IL1RAPL2: variants seen among roughly 807,000 people sequenced by gnomAD.
IL1RAPL2 encodes interleukin 1 receptor accessory protein like 2.
IL1RAPL2 carries 3 observed loss-of-function variants against 44.1 expected under a neutral mutation model. That is an observed-to-expected ratio of 0.07 (90% confidence interval 0.03 to 0.18). IL1RAPL2 has a LOEUF of 0.18. IL1RAPL2 is among the 10% of genes least tolerant of loss of function. IL1RAPL2 has a pLI of 1.00. For missense variants in IL1RAPL2, 391 were observed against 496.4 expected (o/e 0.79, Z 2.02); for synonymous variants, 181 against 178.8 (o/e 1.01, Z -0.10).
Position 105,565,795 on chromosome X carries a change from G to A in IL1RAPL2, c.772+81408G>A, listed in dbSNP as rs150931480. Among the ~76,000 whole-genome samples, 615 of 112,070 alleles carry A rather than the reference G, an allele frequency of 5.5e-3. 8 individuals carry two copies. Among genetic ancestry groups the A allele is most frequent in the African/African-American group, 0.019 (578 of 30,835 alleles). On this transcript the variant is annotated intron_variant, in intron 6 of 10. Coordinates refer to ENST00000372582, the MANE Select transcript of IL1RAPL2 (RefSeq NM_017416.2). ...GATTCTGTTGTTTTGTATTGAATTGGTGCCAGATTCTCTTTCCAAGACACC... is the reference window on the plus strand; with the variant it reads ...GATTCTGTTGTTTTGTATTGAATTGATGCCAGATTCTCTTTCCAAGACACC...
At chrX:104,890,785 A>G (rs1373397686) in intron 2 of IL1RAPL2, among the ~76,000 whole-genome samples, 1 of 111,937 alleles carries the variant, frequency 8.9e-6, no homozygotes, top group Non-Finnish European at 1.9e-5. Context: ...TTTGCCGTGC[A>G]GAAGCTCTTT....
chrX:105,034,477 G>A (rs2031581964), intron 2 of IL1RAPL2, among the ~76,000 whole-genome samples: 1 of 112,441 alleles, frequency 8.9e-6, no homozygotes, highest in African/African-American at 3.2e-5. Flanking sequence ...GTTGGAGTTT[G>A]CTAGAGGTCC....
At chrX:104,973,269 A>T (rs963875852) in intron 2 of IL1RAPL2, among the ~76,000 whole-genome samples, 6 of 112,176 alleles carry the variant, frequency 5.3e-5, no homozygotes, top group Non-Finnish European at 1.1e-4. Flanking sequence ...CAAGGGACTT[A>T]CAGTCAAAAG....
intron 3 of IL1RAPL2, chrX:105,220,350 G>A: frequency 1.7e-6 from 2 of 1,203,996 alleles, no homozygotes; most frequent in South Asian, 1.8e-5. Context: ...AGGCCACCAC[G>A]TTGCTATGCC....
chrX:105,584,420 G>A (rs757167240), intron 6 of IL1RAPL2, among the ~76,000 whole-genome samples: 1 of 111,235 alleles, frequency 9.0e-6, no homozygotes, highest in African/African-American at 3.3e-5. Context: ...TATTATCATT[G>A]CAGCTTTTTC....
At chrX:105,600,704 TAATG>T (rs1329242558) in intron 6 of IL1RAPL2, among the ~76,000 whole-genome samples, 1 of 109,917 alleles carries the variant, frequency 9.1e-6, no homozygotes, top group African/African-American at 3.3e-5. Context: ...ATTTAATTGA[TAATG>T]AATAATATTT....
chrX:105,480,861 A>G (rs1052283782), intron 5 of IL1RAPL2, among the ~76,000 whole-genome samples: 10 of 112,363 alleles, frequency 8.9e-5, no homozygotes, highest in Non-Finnish European at 1.1e-4. Flanking sequence ...TCAGGATCCA[A>G]TTGAACTGCT....
At position 104,573,670 on chromosome X, in the gene IL1RAPL2, T is replaced by C. The variant is rs756420144; in HGVS notation, c.-20+6619T>C. Among the ~76,000 whole-genome samples, 5 of 112,164 alleles carry C rather than the reference T, an allele frequency of 4.5e-5. No individual in the cohort carries two copies. The Admixed American group carries it at 4.7e-4, about 11-fold the overall frequency. On this transcript the variant is annotated intron_variant, in intron 1 of 10. Coordinates refer to ENST00000372582, the MANE Select transcript of IL1RAPL2 (RefSeq NM_017416.2). The stretch of plus-strand genomic sequence containing the variant: ...CCAGAATAAATTCCAGATAAAACTC[T>C]GAAGAAGAAAAAATTATAAAGAACT...
intron 2 of IL1RAPL2, among the ~76,000 whole-genome samples, chrX:104,943,045 A>C (rs1323158533): frequency 2.7e-5 from 3 of 111,394 alleles, no homozygotes; most frequent in Admixed American, 9.6e-5. Context: ...GGATGAAGCC[A>C]ACTTGTTCGT....
intron 5 of IL1RAPL2, among the ~76,000 whole-genome samples, chrX:105,346,435 C>A (rs1342449327): frequency 8.9e-6 from 1 of 112,293 alleles, no homozygotes; most frequent in East Asian, 2.8e-4. Flanking sequence ...ACTAGTATAA[C>A]TCATGAGGAA....
At chrX:105,737,719 A>G (rs1380351124) in intron 7 of IL1RAPL2, among the ~76,000 whole-genome samples, 1 of 111,350 alleles carries the variant, frequency 9.0e-6, no homozygotes, top group Non-Finnish European at 1.9e-5. Flanking sequence ...AGCTTCTGGA[A>G]CTACAGGGGG....
At chrX:105,228,482 A>G (rs2034038316) in intron 3 of IL1RAPL2, among the ~76,000 whole-genome samples, 1 of 112,097 alleles carries the variant, frequency 8.9e-6, no homozygotes, top group Non-Finnish European at 1.9e-5. Context: ...TGTGTATTTT[A>G]AATTATGAGT....
chrX:104,994,993 C>T (rs183861020), intron 2 of IL1RAPL2, among the ~76,000 whole-genome samples: 7 of 110,681 alleles, frequency 6.3e-5, no homozygotes, highest in Admixed American at 1.9e-4. Context: ...GCTCCAAATA[C>T]GCTACTGCCA....
Position 104,929,166 on chromosome X carries a change from T to G in IL1RAPL2, c.83-266309T>G, listed in dbSNP as rs189407642. Among the ~76,000 whole-genome samples, 4 of 111,787 alleles carry G rather than the reference T, an allele frequency of 3.6e-5. No homozygotes were observed. In the East Asian group the frequency reaches 1.1e-3, roughly 32 times the overall value. ...ATTAGGGGTTTTGTGCTCTTACAAA[T>G]GGACTTAGCAAATGTGGCACTGACA... On this transcript the variant is annotated intron_variant, in intron 2 of 10. Transcript: ENST00000372582.
chrX:105,302,216 GT>G (rs764034886), intron 5 of IL1RAPL2, among the ~76,000 whole-genome samples: 43 of 111,608 alleles, frequency 3.9e-4, no homozygotes, highest in African/African-American at 1.4e-3. Flanking sequence ...AGATTATTAG[GT>G]TTTTTTCTAT....
At chrX:105,604,146 A>G (rs947136924) in intron 6 of IL1RAPL2, among the ~76,000 whole-genome samples, 2 of 111,458 alleles carry the variant, frequency 1.8e-5, no homozygotes, top group African/African-American at 3.2e-5. Context: ...AGTAGAAGAA[A>G]ATAAATAATA....
At position 105,526,828 on chromosome X, in the gene IL1RAPL2, G is replaced by A. The variant is rs757011962; in HGVS notation, c.772+42441G>A. ...ACACTAAGTTGTCTTTGTATTGTCT[G>A]GTTCTTTTTCTGGTTTAGTGCTTTC... On this transcript the variant is annotated intron_variant, in intron 6 of 10. Transcript: ENST00000372582. Among the ~76,000 whole-genome samples, 4 of 111,277 alleles carry A rather than the reference G, an allele frequency of 3.6e-5. No individual in the cohort carries two copies. The East Asian group carries it at 1.1e-3, about 32-fold the overall frequency.
chrX:104,727,954 G>T (rs900415384), intron 2 of IL1RAPL2, among the ~76,000 whole-genome samples: 1 of 110,633 alleles, frequency 9.0e-6, no homozygotes, highest in African/African-American at 3.3e-5. Flanking sequence ...TGGAGACTTA[G>T]AAGGGTGGGA....
At chrX:104,910,507 A>G (rs1056821489) in intron 2 of IL1RAPL2, among the ~76,000 whole-genome samples, 7 of 111,528 alleles carry the variant, frequency 6.3e-5, no homozygotes, top group Admixed American at 3.8e-4. Flanking sequence ...TTCTAATGCT[A>G]TCCCTCCCCT....
Sources: allele counts gnomAD v4.1 joint callset (sites outside exome capture counted in the v4.1 genomes callset), GRCh38; gene constraint gnomAD v4.1.1; transcripts MANE v1.5; gene names NCBI Gene and HGNC (gene_info 2026-07-23, HGNC 2026-07-21).